Variants in CCDC85A observed in about 807,000 individuals in gnomAD.
CCDC85A encodes the protein coiled-coil domain containing 85A.
Under a neutral mutation model 50.2 loss-of-function variants are expected in CCDC85A, and 38 were observed. The ratio of observed to expected loss-of-function variants is 0.76; its 90% CI spans 0.58 to 0.99. The LOEUF (loss-of-function observed/expected upper bound fraction) is 0.99, where lower values mean the gene tolerates loss of function less well. Among genes scored for constraint, CCDC85A ranks in the 50% least tolerant of loss-of-function variants. The pLI is 0.00. For missense variants in CCDC85A, 820 were observed against 742.0 expected (o/e 1.11, Z -1.22); for synonymous variants, 366 against 301.4 (o/e 1.21, Z -2.22).
At chr2:56,257,277 A>G (rs1670024950) in intron 2 of CCDC85A, among the ~76,000 whole-genome samples, 1 of 152,172 alleles carries the variant, frequency 6.6e-6, no homozygotes, top group Non-Finnish European at 1.5e-5. Context: ...CCAGAATGTG[A>G]TGGCTGTCAC....
intron 2 of CCDC85A, among the ~76,000 whole-genome samples, chr2:56,197,118 C>G (rs765862770): frequency 6.6e-6 from 1 of 152,122 alleles, no homozygotes; most frequent in African/African-American, 2.4e-5. Context: ...TGAAAGCTTC[C>G]TATTGATTCT....
intron 2 of CCDC85A, among the ~76,000 whole-genome samples, chr2:56,237,748 T>A (rs1669083409): frequency 6.6e-6 from 1 of 152,142 alleles, no homozygotes; most frequent in South Asian, 2.1e-4. Context: ...TTAATTTTTT[T>A]TTTTTTTTTA....
intron 2 of CCDC85A, 75 bp from the exon 3 acceptor site, chr2:56,342,804 C>G (rs1272384138): frequency 2.2e-6 from 2 of 921,532 alleles, no homozygotes; most frequent in East Asian, 2.8e-5. Context: ...TTGAATAAAT[C>G]AAGCCAGAAA....
intron 3 of CCDC85A, among the ~76,000 whole-genome samples, chr2:56,361,859 T>A (rs902703733): frequency 1.3e-5 from 2 of 152,298 alleles, no homozygotes; most frequent in Non-Finnish European, 2.9e-5. Context: ...AGTCTCCATG[T>A]TGGGTAAACA....
At chr2:56,335,716 C>T (rs1332161353) in intron 2 of CCDC85A, among the ~76,000 whole-genome samples, 1 of 152,004 alleles carries the variant, frequency 6.6e-6, no homozygotes, top group Non-Finnish European at 1.5e-5. Flanking sequence ...ATTCTCCTGC[C>T]TCAGCCTCCT....
intron 2 of CCDC85A, among the ~76,000 whole-genome samples, chr2:56,274,841 G>T (rs1427017141): frequency 6.6e-6 from 1 of 152,142 alleles, no homozygotes; most frequent in African/African-American, 2.4e-5. Context: ...CCAAGATCAA[G>T]ACTGCTAGCA....
At chr2:56,353,211 A>G (rs1228421136) in intron 3 of CCDC85A, among the ~76,000 whole-genome samples, 1 of 152,210 alleles carries the variant, frequency 6.6e-6, no homozygotes, top group African/African-American at 2.4e-5. Context: ...GACTCAGACC[A>G]TATCAGATAT....
At chr2:56,226,013 C>A (rs368606784) in intron 2 of CCDC85A, among the ~76,000 whole-genome samples, 23 of 152,284 alleles carry the variant, frequency 1.5e-4, no homozygotes, top group African/African-American at 5.5e-4. Context: ...ATGGAGAGGA[C>A]CTCAGTGCCT....
At chr2:56,382,121 A>C (rs1346961406) in intron 5 of CCDC85A, among the ~76,000 whole-genome samples, 1 of 152,062 alleles carries the variant, frequency 6.6e-6, no homozygotes, top group African/African-American at 2.4e-5. Context: ...ACCATTATTA[A>C]TTATATGATC....
intron 2 of CCDC85A, among the ~76,000 whole-genome samples, chr2:56,266,578 G>GGCCCCCCC (rs71393521): frequency 1.7e-5 from 1 of 60,346 alleles, no homozygotes; most frequent in Non-Finnish European, 3.2e-5. Flanking sequence ...ACAATAACGC[G>GGCCCCCCC]CCCCCCCCCC....
intron 3 of CCDC85A, among the ~76,000 whole-genome samples, chr2:56,365,753 T>C (rs924450578): frequency 2.0e-5 from 3 of 152,326 alleles, no homozygotes; most frequent in South Asian, 2.1e-4. Flanking sequence ...CGCATAGTTA[T>C]CATTTTTGGG....
intron 3 of CCDC85A, among the ~76,000 whole-genome samples, chr2:56,357,999 G>T (rs1675322886): frequency 6.6e-6 from 1 of 152,258 alleles, no homozygotes; most frequent in African/African-American, 2.4e-5. Context: ...TATTTTGCAG[G>T]TGAGAGAATG....
rs758868227 is a variant in CCDC85A at position 56,192,752 on chromosome 2, C to G, written c.552C>G (p.Arg184=). Residue 184 remains arginine (R), a synonymous_variant, in exon 2 of 6, where the codon CGC becomes CGG. Coordinates refer to ENST00000407595, the MANE Select transcript of CCDC85A (RefSeq NM_001080433.2). The surrounding 1 kb of genome is among the most constrained non-coding windows in gnomAD (Gnocchi z 4.7). ...EEKGAGCAGS[R]CSIDSQASLC... ...AGGGTGCAGGCTGCGCAGGCAGCCG[C>G]TGCTCCATCGACAGCCAGGCCAGCC... is the stretch of plus-strand genomic sequence containing the variant. 20 of 1,613,286 alleles carry G rather than the reference C, an allele frequency of 1.2e-5. No individual in the cohort carries two copies. The South Asian group carries it at 2.0e-4, about 16-fold the overall frequency.
intron 1 of CCDC85A, among the ~76,000 whole-genome samples, chr2:56,188,245 C>T (rs182085429): frequency 7.2e-5 from 11 of 152,268 alleles, no homozygotes; most frequent in African/African-American, 2.4e-4. Context: ...AAGCTGGCTG[C>T]TTAGCTGTTC....
At chr2:56,337,685 C>T (rs1278380524) in intron 2 of CCDC85A, among the ~76,000 whole-genome samples, 1 of 152,060 alleles carries the variant, frequency 6.6e-6, no homozygotes, top group Non-Finnish European at 1.5e-5. Flanking sequence ...TCTTTGCTCC[C>T]CTTTCACAGG....
chr2:56,236,765 A>G (rs1282539067), intron 2 of CCDC85A, among the ~76,000 whole-genome samples: 1 of 152,102 alleles, frequency 6.6e-6, no homozygotes, highest in African/African-American at 2.4e-5. Flanking sequence ...TTCTTTGTGA[A>G]TGGCTTCTTC....
intron 2 of CCDC85A, among the ~76,000 whole-genome samples, chr2:56,323,249 A>G (rs1355068120): frequency 2.6e-5 from 4 of 152,128 alleles, no homozygotes; most frequent in Non-Finnish European, 5.9e-5. Flanking sequence ...CATATGTAAC[A>G]AACCTGCACT....
rs1675903574 is a variant in CCDC85A at position 56,184,469 on chromosome 2, C to A, written c.-156C>A. The A allele has an allele frequency of 2.4e-6, 2 of 838,754 alleles. No individual in the cohort carries two copies. The highest frequency in any genetic ancestry group is 3.1e-6 in the Non-Finnish European group (2 of 636,050). 52.0% of individuals were successfully genotyped at this position (838,754 alleles called of 1,614,324 possible). Reference sequence around the variant, plus strand: ...ATGGCGAGGTAGGATGGCCACCCAGCGCGACCCCCGCCGCCCCAACCCAGC... The same window carrying A: ...ATGGCGAGGTAGGATGGCCACCCAGAGCGACCCCCGCCGCCCCAACCCAGC... On this transcript the variant is annotated 5_prime_UTR_variant, in exon 1 of 6. Coordinates refer to ENST00000407595, the MANE Select transcript of CCDC85A (RefSeq NM_001080433.2).
chr2:56,215,973 A>G (rs1452295860), intron 2 of CCDC85A, among the ~76,000 whole-genome samples: 3 of 151,942 alleles, frequency 2.0e-5, no homozygotes, highest in South Asian at 2.1e-4. Context: ...GAACACAGCC[A>G]TGTGCATTGA....
Sources: allele counts gnomAD v4.1 joint callset (sites outside exome capture counted in the v4.1 genomes callset), GRCh38; gene constraint gnomAD v4.1.1; non-coding constraint Gnocchi (gnomAD v3.1); transcripts MANE v1.5; gene names NCBI Gene and HGNC (gene_info 2026-07-23, HGNC 2026-07-21).